SHROOM4: variants seen among roughly 807,000 people sequenced by gnomAD.
SHROOM4 encodes shroom family member 4.
In SHROOM4, 17 loss-of-function variants were observed where a neutral mutation model predicts 80.3. The observed-to-expected ratio is 0.21, with a 90% CI of 0.14 to 0.32. SHROOM4 has a LOEUF of 0.32. SHROOM4 is among the 10% of genes least tolerant of loss of function. The pLI, the probability that SHROOM4 is intolerant of heterozygous loss-of-function variation, is 1.00. For missense variants in SHROOM4, 993 were observed against 1,140.3 expected (o/e 0.87, Z 1.86); for synonymous variants, 400 against 437.5 (o/e 0.91, Z 1.07).
At position 50,635,001 on chromosome X, in the gene SHROOM4, G is replaced by T. The variant is rs184720928; in HGVS notation, c.1072C>A (p.Leu358Ile). 4.1e-6 allele frequency: 5 copies of T among 1,210,860 alleles called. No homozygotes were observed. The highest frequency in any genetic ancestry group is 5.6e-6 in the Non-Finnish European group (5 of 895,425). ...GCTTTGGTTGAGGCCTGCATCAGTAGATGCTCAGAGCCCTGTTGGCTGGAT... is the reference window on the plus strand; with the variant it reads ...GCTTTGGTTGAGGCCTGCATCAGTATATGCTCAGAGCCCTGTTGGCTGGAT... ...PESSQQGSEH[L>I]LMQASTKAVG... The change falls in exon 4 of 9, where the codon CTA becomes ATA. Residue 358 changes from leucine (L) to isoleucine (I), a missense_variant. Leu to Ile is a conservative substitution (Grantham distance 5). Transcript: ENST00000376020.
chrX:50,662,893 T>C (rs1236656617), intron 2 of SHROOM4, among the ~76,000 whole-genome samples: 1 of 110,732 alleles, frequency 9.0e-6, no homozygotes, highest in Non-Finnish European at 1.9e-5. Context: ...ATAGTAGTGG[T>C]AGGAGTAGAA....
At chrX:50,578,165 C>T in the SHROOM4 span, among the ~76,000 whole-genome samples, 1 of 111,675 alleles carries the variant, frequency 9.0e-6, no homozygotes, top group Non-Finnish European at 1.9e-5. Flanking sequence ...AAGTCCTCTA[C>T]AAAGAAAGGA....
chrX:50,655,235 G>A (rs782741288), intron 2 of SHROOM4, among the ~76,000 whole-genome samples: 4 of 109,798 alleles, frequency 3.6e-5, no homozygotes, highest in Non-Finnish European at 7.6e-5. Flanking sequence ...ATTGTGAATA[G>A]TGCTGCAATG....
At chrX:50,745,546 G>A (rs1447457289) in intron 1 of SHROOM4, among the ~76,000 whole-genome samples, 2 of 111,713 alleles carry the variant, frequency 1.8e-5, no homozygotes, top group Admixed American at 9.5e-5. Flanking sequence ...GTCTAGGGTA[G>A]TGCCTTCATC....
intron 2 of SHROOM4, among the ~76,000 whole-genome samples, chrX:50,656,451 C>T (rs782311850): frequency 2.3e-4 from 26 of 111,781 alleles, no homozygotes; most frequent in African/African-American, 8.1e-4. Context: ...GATAAGAGTC[C>T]AATTTCATTC....
chrX:50,660,901 G>A (rs1758690724), intron 2 of SHROOM4, among the ~76,000 whole-genome samples: 1 of 110,118 alleles, frequency 9.1e-6, no homozygotes, highest in Non-Finnish European at 1.9e-5. Flanking sequence ...ACAGGCATGA[G>A]ACACTGTGCC....
chrX:50,694,887 T>C (rs781840754), intron 2 of SHROOM4, among the ~76,000 whole-genome samples: 2 of 105,344 alleles, frequency 1.9e-5, no homozygotes, highest in South Asian at 4.4e-4. Flanking sequence ...AGAAGTGAGA[T>C]TGTGGGAAGA....
At chrX:50,642,013 C>G (rs782416186) in intron 2 of SHROOM4, among the ~76,000 whole-genome samples, 1 of 112,352 alleles carries the variant, frequency 8.9e-6, no homozygotes, top group Non-Finnish European at 1.9e-5. Flanking sequence ...AAACTAAAGA[C>G]TGGAAGAAGA....
chrX:50,665,614 G>A (rs1371461789), intron 2 of SHROOM4, among the ~76,000 whole-genome samples: 2 of 110,106 alleles, frequency 1.8e-5, no homozygotes, highest in African/African-American at 6.6e-5. Context: ...TAGATATGAA[G>A]TCAGATAGAT....
chrX:50,707,348 C>T lies in SHROOM4; in HGVS notation c.118-11411G>A, dbSNP rs150967504. ...GTGAGGCTTTTCATATAAACAAATT[C>T]ACAAGTCAGAAAATAAATCCTTTGT... On this transcript the variant is annotated intron_variant, in intron 1 of 8. Transcript: ENST00000376020. Among the ~76,000 whole-genome samples, 225 of 112,403 alleles carry T rather than the reference C, an allele frequency of 2.0e-3. 1 individual carries two copies. Among genetic ancestry groups the T allele is most frequent in the African/African-American group, 6.4e-3 (197 of 31,017 alleles).
At chrX:50,752,859 T>C (rs1490834134) in intron 1 of SHROOM4, among the ~76,000 whole-genome samples, 1 of 111,701 alleles carries the variant, frequency 9.0e-6, no homozygotes, top group African/African-American at 3.3e-5. Flanking sequence ...TTCATAGCTA[T>C]GCTTTTGGGG....
chrX:50,620,856 T>A (rs1292122759), intron 5 of SHROOM4, among the ~76,000 whole-genome samples: 1 of 111,604 alleles, frequency 9.0e-6, no homozygotes, highest in Non-Finnish European at 1.9e-5. Flanking sequence ...CGAAGCTAAA[T>A]CTGAAAGCTG....
At chrX:50,627,968 C>A (rs1930876106) in intron 4 of SHROOM4, among the ~76,000 whole-genome samples, 1 of 112,160 alleles carries the variant, frequency 8.9e-6, no homozygotes, top group Non-Finnish European at 1.9e-5. Context: ...ACATTAAAAA[C>A]CAGTTTAGTA....
At position 50,633,206 on chromosome X, in the gene SHROOM4, G is replaced by A. The variant is rs151180678; in HGVS notation, c.2867C>T (p.Thr956Ile). 2 of 1,209,527 alleles carry A rather than the reference G, an allele frequency of 1.7e-6. No individual in the cohort carries two copies. Among genetic ancestry groups the A allele is most frequent in the South Asian group, 1.8e-5 (1 of 56,410 alleles). The change falls in exon 4 of 9, where the codon ACT (threonine) becomes ATT (isoleucine). Residue 956 changes from threonine (T) to isoleucine (I), a missense_variant. Transcript: ENST00000376020. The stretch of plus-strand genomic sequence containing the variant: ...CACTGTCAGCTTCCTGGGTTTCCAA[G>A]TGTTGCCAGGTGCCAAGCTGCTGTC... ...LEDSSLAPGNTWKPRKLTVQE... is the reference protein window; with the variant it reads ...LEDSSLAPGNIWKPRKLTVQE...
intron 4 of SHROOM4, among the ~76,000 whole-genome samples, chrX:50,629,399 T>A (rs781956291): frequency 1.1e-3 from 121 of 112,023 alleles, no homozygotes; most frequent in African/African-American, 3.7e-3. Flanking sequence ...ATCGCACACC[T>A]GCCTTTCACT....
chrX:50,683,482 G>A (rs1035576595), intron 2 of SHROOM4, among the ~76,000 whole-genome samples: 1 of 111,666 alleles, frequency 9.0e-6, no homozygotes, highest in African/African-American at 3.3e-5. Flanking sequence ...TAGGGAGCAT[G>A]GTAAAACTAG....
chrX:50,708,967 G>A (rs1336033121), intron 1 of SHROOM4, among the ~76,000 whole-genome samples: 1 of 111,546 alleles, frequency 9.0e-6, no homozygotes, highest in East Asian at 2.8e-4. Context: ...ATGTTAGACT[G>A]AGTGGTCAGT....
intron 1 of SHROOM4, among the ~76,000 whole-genome samples, chrX:50,699,970 C>A (rs782033125): frequency 1.2e-4 from 13 of 112,214 alleles, no homozygotes; most frequent in African/African-American, 3.9e-4. Context: ...CAATAACTGA[C>A]AGGTACTGAA....
chrX:50,592,022 T>C lies in SHROOM4; in HGVS notation c.*4673A>G. ...GTGAGCCACCATGCCCGGCCGGAAC[T>C]GTTTTCTTAATAACATTTTCGGATT... is the stretch of plus-strand genomic sequence containing the variant. On this transcript the variant is annotated 3_prime_UTR_variant, in exon 9 of 9. Coordinates refer to ENST00000376020, the MANE Select transcript of SHROOM4 (RefSeq NM_020717.5). 3.0e-6 allele frequency: 1 copy of C among 329,652 alleles called. No homozygotes were observed. 27.2% of individuals were successfully genotyped at this position (329,652 alleles called of 1,213,427 possible).
Sources: allele counts gnomAD v4.1 joint callset (sites outside exome capture counted in the v4.1 genomes callset), GRCh38; gene constraint gnomAD v4.1.1; transcripts MANE v1.5; gene names NCBI Gene and HGNC (gene_info 2026-07-23, HGNC 2026-07-21).